ITSN2: variants seen among roughly 807,000 people sequenced by gnomAD.
ITSN2 encodes intersectin-2.
Under a neutral mutation model 243.7 loss-of-function variants are expected in ITSN2, and 156 were observed. The ratio of observed to expected loss-of-function variants is 0.64; its 90% CI spans 0.56 to 0.73. The LOEUF is 0.73. Ranked by LOEUF, ITSN2 falls within the 30% of genes least tolerant of loss-of-function variation. ITSN2 has a pLI of 0.00. For synonymous variants in ITSN2, 703 were observed against 699.9 expected, an observed-to-expected ratio of 1.00 and a Z score of -0.07; for missense variants, 1,801 against 1,996.1, an observed-to-expected ratio of 0.90 and a Z score of 1.86.
intron 1 of ITSN2, among the ~76,000 whole-genome samples, chr2:24,335,885 G>A (rs947485854): frequency 1.3e-5 from 2 of 151,720 alleles, no homozygotes; most frequent in Admixed American, 6.6e-5. Context: ...TGATCTGCCC[G>A]CCTCCCAAAG....
rs1263560479 is a variant in ITSN2, at chr2:24,360,447, C to T, written c.-177G>A. On this transcript the variant is annotated 5_prime_UTR_variant, in exon 1 of 40. Coordinates refer to ENST00000355123, the MANE Select transcript of ITSN2 (RefSeq NM_006277.3). ...AGCTGGCTTGGTCGTCAGGCCGCCG[C>T]CCGCGAACCTGTTGCGTAGCCTGTC... is the stretch of plus-strand genomic sequence containing the variant. The T allele has an allele frequency of 1.3e-5, 2 of 152,440 alleles. No individual in the cohort carries two copies. Among genetic ancestry groups the T allele is most frequent in the Admixed American group, 6.5e-5 (1 of 15,282 alleles). 9.4% of individuals were successfully genotyped at this position (152,440 alleles called of 1,614,324 possible). A position where few individuals can be genotyped will look rare whatever the true frequency, so the allele number is the denominator to read the frequency against.
intron 17 of ITSN2, among the ~76,000 whole-genome samples, chr2:24,280,377 T>A (rs1459893398): frequency 6.6e-6 from 1 of 152,108 alleles, no homozygotes; most frequent in Non-Finnish European, 1.5e-5. Context: ...CCTTATCACC[T>A]GAATTCTTAT....
chr2:24,349,285 A>G (rs1687828362), intron 1 of ITSN2, among the ~76,000 whole-genome samples: 1 of 152,158 alleles, frequency 6.6e-6, no homozygotes, highest in Non-Finnish European at 1.5e-5. Context: ...AACATCCTTC[A>G]CTCACAACAC....
rs1670129402 is a variant in ITSN2 at position 24,218,027 on chromosome 2, A to G, written c.3700-14T>C. On this transcript the variant is annotated splice_polypyrimidine_tract_variant and intron_variant, in intron 30 of 39. Transcript: ENST00000355123. ...TTTCTGAAAAACCTAAAGTCAAAAC[A>G]TAGAAAAACTAGTTAGCTTAAGTGT... is the stretch of plus-strand genomic sequence containing the variant. The G allele has an allele frequency of 6.3e-7, 1 of 1,580,868 alleles. No homozygotes were observed. The highest frequency in any genetic ancestry group is 1.3e-5 in the African/African-American group (1 of 74,274).
chr2:24,211,249 G>A lies in ITSN2; in HGVS notation c.4090-302C>T, dbSNP rs899366724. 1.3e-5 allele frequency among the ~76,000 whole-genome samples: 2 copies of A among 152,108 alleles called. No individual in the cohort carries two copies. The highest frequency in any genetic ancestry group is 4.8e-5 in the African/African-American group (2 of 41,424). On this transcript the variant is annotated intron_variant, in intron 33 of 39. Transcript: ENST00000355123. The surrounding 1 kb of genome is among the most constrained non-coding windows in gnomAD (Gnocchi z 4.1). ...TCCCGGTAATAGGCGGGAGCCTCCC[G>A]ACTCCTTCCGAAATTTAAGCCATGT...
intron 20 of ITSN2, among the ~76,000 whole-genome samples, chr2:24,264,699 C>CAT (rs1676403291): frequency 1.5e-4 from 8 of 53,896 alleles, no homozygotes; most frequent in Non-Finnish European, 8.6e-5. Context: ...GTTGTTTATA[C>CAT]ACACACACAC....
intron 20 of ITSN2, among the ~76,000 whole-genome samples, chr2:24,267,375 A>C (rs748476771): frequency 9.5e-6 from 1 of 104,976 alleles, no homozygotes; most frequent in African/African-American, 3.2e-5. Context: ...CCCAGAACTT[A>C]AAGTATAAAA....
intron 1 of ITSN2, among the ~76,000 whole-genome samples, chr2:24,349,116 C>A (rs2551144): frequency 0.98 from 148,653 of 152,130 alleles, 72,627 homozygotes; most frequent in East Asian, 0.99. Context: ...CAACAATAAT[C>A]ATCATCATCA....
At chr2:24,360,173 T>A (rs1688829023) in intron 1 of ITSN2, 131 bp downstream of exon 1, 1 of 152,024 alleles carries the variant, frequency 6.6e-6, no homozygotes, top group Non-Finnish European at 1.5e-5. Context: ...CCGCCCGTAC[T>A]CCCGAGGACC....
intron 34 of ITSN2, among the ~76,000 whole-genome samples, 152 bp downstream of exon 34, chr2:24,210,614 CAAAAAAAAAAAAAA>C (rs950984341): frequency 1.9e-5 from 1 of 53,992 alleles, no homozygotes; most frequent in Non-Finnish European, 3.4e-5. Flanking sequence ...GACTCCGTCT[CAAAAAAAAAAAAAA>C]AAAAAAGAAA....
intron 29 of ITSN2, among the ~76,000 whole-genome samples, chr2:24,245,436 A>C (rs1673233675): frequency 6.6e-6 from 1 of 152,204 alleles, no homozygotes; most frequent in South Asian, 2.1e-4. Flanking sequence ...TGTACACTAA[A>C]AGAGTAATTT....
intron 2 of ITSN2, among the ~76,000 whole-genome samples, chr2:24,318,649 G>A (rs1180419567): frequency 6.6e-6 from 1 of 152,134 alleles, no homozygotes; most frequent in African/African-American, 2.4e-5. Context: ...TATCACAGGA[G>A]ATATACAGAC....
chr2:24,207,597 G>C (rs1036434363), intron 37 of ITSN2, among the ~76,000 whole-genome samples: 6 of 152,072 alleles, frequency 3.9e-5, no homozygotes, highest in African/African-American at 1.2e-4. Context: ...GGTGGAAGAA[G>C]AACTGGGAAG....
rs1681528440 is a variant in ITSN2, at chr2:24,300,103, C to T, written c.1150G>A (p.Ala384Thr). The change falls in exon 12 of 40, where the codon GCC becomes ACC. Residue 384 changes from alanine (A) to threonine (T), a missense_variant. This residue lies in a region of ITSN2 where 787 missense variants were observed against 803.9 expected (regional missense o/e 0.98). Coordinates refer to ENST00000355123, the MANE Select transcript of ITSN2 (RefSeq NM_006277.3). ...GNMELEKRRQ[A>T]LMEQQQREAE... Reference sequence around the variant, plus strand: ...TCCCTTTGTTGCTGCTCCATCAAGGCTTGGCGTCGCTTTTCCAGCTCCATG... The same window carrying T: ...TCCCTTTGTTGCTGCTCCATCAAGGTTTGGCGTCGCTTTTCCAGCTCCATG... 4 of 1,614,158 alleles carry T rather than the reference C, an allele frequency of 2.5e-6. No homozygotes were observed. Among genetic ancestry groups the T allele is most frequent in the Non-Finnish European group, 2.5e-6 (3 of 1,180,028 alleles).
At chr2:24,278,645 CT>C (rs908928502) in intron 17 of ITSN2, among the ~76,000 whole-genome samples, 9,979 of 103,160 alleles carry the variant, frequency 0.097, 211 homozygotes, top group African/African-American at 0.22. Flanking sequence ...TGTTCTCAAT[CT>C]TTTTTTTTTT....
intron 15 of ITSN2, among the ~76,000 whole-genome samples, chr2:24,292,174 A>G (rs1680338746): frequency 6.6e-6 from 1 of 152,218 alleles, no homozygotes; most frequent in Non-Finnish European, 1.5e-5. Context: ...AAGCCCAAAC[A>G]AAAGCTTCCT....
intron 2 of ITSN2, among the ~76,000 whole-genome samples, chr2:24,317,331 C>G (rs1684055517): frequency 6.6e-6 from 1 of 151,284 alleles, no homozygotes; most frequent in East Asian, 2.0e-4. Context: ...TTGCAGTGAG[C>G]TGAGATCACG....
rs958566660 is a variant in ITSN2 at position 24,310,632 on chromosome 2, G to A, written c.413C>T (p.Thr138Ile). 1.2e-6 allele frequency: 2 copies of A among 1,614,152 alleles called. No homozygotes were observed. Among genetic ancestry groups the A allele is most frequent in the African/African-American group, 1.3e-5 (1 of 75,040 alleles). The change falls in exon 6 of 40, where the codon ACA becomes ATA. Residue 138 changes from threonine to isoleucine, a missense_variant. By Grantham distance (89) the Thr-to-Ile change is moderately conservative. Transcript: ENST00000355123. Reference protein sequence around the residue: ...PQPLPPAAPITSLSSATSGTN... With the variant: ...PQPLPPAAPIISLSSATSGTN... Reference sequence around the variant, plus strand: ...CCCTGAAGTCGCAGAAGACAATGATGTTATAGGTGCAGCTGGAGGCAATGG... The same window carrying A: ...CCCTGAAGTCGCAGAAGACAATGATATTATAGGTGCAGCTGGAGGCAATGG...
At chr2:24,227,436 T>C (rs1218093330) in intron 29 of ITSN2, among the ~76,000 whole-genome samples, 1 of 151,516 alleles carries the variant, frequency 6.6e-6, no homozygotes, top group Non-Finnish European at 1.5e-5. Flanking sequence ...TCAAGACACA[T>C]AATGAAGGGC....
Sources: allele counts gnomAD v4.1 joint callset (sites outside exome capture counted in the v4.1 genomes callset), GRCh38; gene constraint gnomAD v4.1.1; regional missense constraint gnomAD v4.1.1; non-coding constraint Gnocchi (gnomAD v3.1); transcripts MANE v1.5; gene names NCBI Gene and HGNC (gene_info 2026-07-23, HGNC 2026-07-21).